Variants in PTPRD observed in about 807,000 individuals in gnomAD.
PTPRD encodes the protein receptor-type tyrosine-protein phosphatase delta.
Under a neutral mutation model 214.5 loss-of-function variants are expected in PTPRD, and 34 were observed. The observed-to-expected ratio is 0.16, with a 90% CI of 0.12 to 0.21. The LOEUF is 0.21. PTPRD is among the 10% of genes least tolerant of loss of function. PTPRD has a pLI of 1.00. For synonymous variants in PTPRD, 1,128 were observed against 845.7 expected (o/e 1.33, Z -5.79); for missense variants, 2,545 against 2,398.7 (o/e 1.06, Z -1.27).
intron 14 of PTPRD, among the ~76,000 whole-genome samples, chr9:8,554,998 T>TA (rs779418584): frequency 1.3e-5 from 2 of 149,432 alleles, no homozygotes; most frequent in South Asian, 2.1e-4. Context: ...ACTATATATA[T>TA]AAAAAATTGT....
In PTPRD at chr9:8,964,190, G is replaced by GTTTTTTTTTTTT. The variant is rs1334290420; in HGVS notation, c.-104+54506_-104+54507insAAAAAAAAAAAA. ...CTGTGAATCTATCTAGTTCAGGGCT[G>GTTTTTTTTTTTT]TGTTTTTTTTTTTTTTTTTTTTTTT... is the stretch of plus-strand genomic sequence containing the variant. On this transcript the variant is annotated intron_variant, in intron 11 of 45. Transcript: ENST00000381196. 8.3e-4 allele frequency among the ~76,000 whole-genome samples: 44 copies of GTTTTTTTTTTTT among 52,946 alleles called. 8 individuals are homozygous for GTTTTTTTTTTTT. The highest frequency in any genetic ancestry group is 5.2e-3 in the East Asian group (5 of 966). The allele number at this position is 52,946 out of a possible 152,430, so 34.7% of individuals were successfully genotyped here. A position where few individuals can be genotyped will look rare whatever the true frequency, so the allele number is the denominator to read the frequency against.
intron 3 of PTPRD, among the ~76,000 whole-genome samples, chr9:10,274,081 G>C (rs559409867): frequency 6.6e-6 from 1 of 152,028 alleles, no homozygotes; most frequent in South Asian, 2.1e-4. Flanking sequence ...GTTTCTTCAG[G>C]TGTAAATGAA....
chr9:9,403,792 C>A (rs2071991325), intron 8 of PTPRD, among the ~76,000 whole-genome samples: 1 of 151,988 alleles, frequency 6.6e-6, no homozygotes, highest in Non-Finnish European at 1.5e-5. Context: ...ACCATGTGGA[C>A]ATGTTTCCTA....
intron 8 of PTPRD, among the ~76,000 whole-genome samples, chr9:9,426,961 CAG>C (rs2081202042): frequency 6.6e-6 from 1 of 152,134 alleles, no homozygotes; most frequent in South Asian, 2.1e-4. Context: ...GGGGAAAAAA[CAG>C]AGCAGAAAAG....
chr9:8,745,498 T>C (rs2092692315), intron 11 of PTPRD, among the ~76,000 whole-genome samples: 1 of 152,154 alleles, frequency 6.6e-6, no homozygotes, highest in Admixed American at 6.5e-5. Flanking sequence ...ATGAAGGTAT[T>C]TGGCAGTCAC....
chr9:8,331,539 ACAC>A (rs1841110867), intron 44 of PTPRD, 40 bp downstream of exon 44: 5 of 1,154,674 alleles, frequency 4.3e-6, no homozygotes, highest in Non-Finnish European at 4.6e-6. Context: ...CAATGAAGAA[ACAC>A]CACCACTTAT....
At chr9:10,080,228 A>G (rs2098213041) in intron 3 of PTPRD, among the ~76,000 whole-genome samples, 1 of 152,176 alleles carries the variant, frequency 6.6e-6, no homozygotes, top group East Asian at 1.9e-4. Flanking sequence ...CTGGTAGCAC[A>G]GAGTAGCAAA....
intron 9 of PTPRD, among the ~76,000 whole-genome samples, chr9:9,207,429 A>T (rs1006338815): frequency 2.0e-5 from 3 of 152,132 alleles, no homozygotes; most frequent in African/African-American, 7.2e-5. Context: ...AAAAAAATCA[A>T]TCATACAATA....
intron 11 of PTPRD, chr9:8,962,119 T>C (rs527625110): frequency 1.3e-5 from 2 of 152,278 alleles, no homozygotes; most frequent in South Asian, 4.2e-4. Flanking sequence ...CAAACTTTTA[T>C]TTAGCTCTTG....
At chr9:10,348,909 G>A (rs886771765) in intron 2 of PTPRD, among the ~76,000 whole-genome samples, 9 of 151,884 alleles carry the variant, frequency 5.9e-5, no homozygotes, top group African/African-American at 1.5e-4. Flanking sequence ...CTCCTTGTGT[G>A]CCCCAAGATT....
At chr9:9,169,680 T>C (rs1404939579) in intron 10 of PTPRD, among the ~76,000 whole-genome samples, 1 of 152,184 alleles carries the variant, frequency 6.6e-6, no homozygotes, top group Non-Finnish European at 1.5e-5. Flanking sequence ...TTTTGCTTTC[T>C]TGTTGGAAAA....
intron 21 of PTPRD, among the ~76,000 whole-genome samples, chr9:8,508,441 T>C (rs78951024): frequency 1.5e-4 from 23 of 152,304 alleles, no homozygotes; most frequent in African/African-American, 5.5e-4. Flanking sequence ...TCTGCTCTGA[T>C]TGGTGAGTGC....
intron 4 of PTPRD, among the ~76,000 whole-genome samples, chr9:10,003,116 T>C (rs1028632438): frequency 3.3e-5 from 5 of 151,822 alleles, no homozygotes; most frequent in African/African-American, 1.2e-4. Flanking sequence ...AAAGGAAAGA[T>C]AGTCTTCTGT....
At chr9:9,947,362 AT>A (rs2092752086) in intron 4 of PTPRD, among the ~76,000 whole-genome samples, 4 of 59,598 alleles carry the variant, frequency 6.7e-5, no homozygotes, top group Admixed American at 3.2e-4. Flanking sequence ...TATTATATAT[AT>A]TATATATATA....
chr9:8,980,410 C>T (rs564128377), intron 11 of PTPRD, among the ~76,000 whole-genome samples: 14 of 152,004 alleles, frequency 9.2e-5, no homozygotes, highest in Admixed American at 3.3e-4. Flanking sequence ...ACAGAAACTA[C>T]GTAAGATGAT....
At chr9:8,957,909 TATC>T (rs2099139703) in intron 11 of PTPRD, among the ~76,000 whole-genome samples, 1 of 151,248 alleles carries the variant, frequency 6.6e-6, no homozygotes. Flanking sequence ...AAAAAAAAAA[TATC>T]ATTCTCAGAA....
chr9:8,494,522 C>G lies in PTPRD; in HGVS notation c.2350-1543G>C, dbSNP rs1340029753. On this transcript the variant is annotated intron_variant, in intron 26 of 45. Transcript: ENST00000381196. ...CCCAAAAACTATCATGAGTAAATGCCAACATTATGGTTTCCAAGGTTCCCC... is the reference window on the plus strand; with the variant it reads ...CCCAAAAACTATCATGAGTAAATGCGAACATTATGGTTTCCAAGGTTCCCC... 7.2e-5 allele frequency among the ~76,000 whole-genome samples: 11 copies of G among 152,186 alleles called. No homozygotes were observed. The East Asian group carries it at 2.1e-3, about 29-fold the overall frequency.
At chr9:8,673,393 A>G (rs1226813357) in intron 12 of PTPRD, among the ~76,000 whole-genome samples, 1 of 152,174 alleles carries the variant, frequency 6.6e-6, no homozygotes, top group East Asian at 1.9e-4. Context: ...GACTGAGTCT[A>G]TATTCTGCAC....
chr9:9,147,495 A>G (rs1339892595), intron 10 of PTPRD, among the ~76,000 whole-genome samples: 2 of 152,136 alleles, frequency 1.3e-5, no homozygotes, highest in Non-Finnish European at 2.9e-5. Context: ...AGGACCTGCC[A>G]GTTAAGAATG....
Sources: allele counts gnomAD v4.1 joint callset (sites outside exome capture counted in the v4.1 genomes callset), GRCh38; gene constraint gnomAD v4.1.1; transcripts MANE v1.5; gene names NCBI Gene and HGNC (gene_info 2026-07-23, HGNC 2026-07-21).